The following RNF130 variants were observed in gnomAD, a reference collection of about 807,000 sequenced individuals.
RNF130 encodes ring finger protein 130.
Under a neutral mutation model 44.6 loss-of-function variants are expected in RNF130, and 21 were observed. That is an observed-to-expected ratio of 0.47 (90% CI 0.33 to 0.68). The LOEUF (loss-of-function observed/expected upper bound fraction) is 0.68. Ranked by LOEUF, RNF130 falls within the 30% of genes least tolerant of loss-of-function variation. RNF130 has a pLI of 0.02. For synonymous variants in RNF130, 214 were observed against 210.4 expected (o/e 1.02, Z -0.15); for missense variants, 479 against 560.6 (o/e 0.85, Z 1.47).
intron 5 of RNF130, among the ~76,000 whole-genome samples, chr5:179,974,866 C>T (rs1216903518): frequency 2.0e-5 from 3 of 152,236 alleles, no homozygotes; most frequent in Non-Finnish European, 4.4e-5. Context: ...GCATGGACCG[C>T]AGCAGACGGC....
At chr5:179,972,438 T>C (rs767756996) in intron 5 of RNF130, among the ~76,000 whole-genome samples, 38 of 152,170 alleles carry the variant, frequency 2.5e-4, no homozygotes, top group Non-Finnish European at 4.1e-4. Context: ...CGATGGGACT[T>C]GGCTGACTGA....
At chr5:179,998,731 A>C (rs1333285088) in intron 3 of RNF130, among the ~76,000 whole-genome samples, 14 of 151,698 alleles carry the variant, frequency 9.2e-5, no homozygotes, top group Admixed American at 7.2e-4. Context: ...TTTGGTCTAA[A>C]GTGCAGTTTA....
chr5:180,060,131 C>T (rs1764939246), intron 1 of RNF130, among the ~76,000 whole-genome samples: 1 of 152,176 alleles, frequency 6.6e-6, no homozygotes, highest in African/African-American at 2.4e-5. Flanking sequence ...AAATGATTCC[C>T]CCTGAGAGCT....
chr5:179,918,768 G>A (rs1000556597), exon 8 of RNF130: 2 of 152,164 alleles, frequency 1.3e-5, no homozygotes, highest in Non-Finnish European at 2.9e-5. Context: ...AGCCTCAAAT[G>A]AGCGAAAACG....
intron 2 of RNF130, among the ~76,000 whole-genome samples, chr5:180,028,972 AGTTT>A (rs2113118995): frequency 6.6e-6 from 1 of 152,318 alleles, no homozygotes; most frequent in African/African-American, 2.4e-5. Flanking sequence ...TATACATTAC[AGTTT>A]GTTAGCTCAA....
At chr5:180,066,746 A>AG (rs1456068122) in intron 1 of RNF130, among the ~76,000 whole-genome samples, 18 of 152,276 alleles carry the variant, frequency 1.2e-4, no homozygotes, top group African/African-American at 4.3e-4. Flanking sequence ...CTGAGGCAGG[A>AG]AGGCGGAACC....
At position 180,013,114 on chromosome 5, in the gene RNF130, T is replaced by C. The variant is rs1443408010; in HGVS notation, c.640A>G (p.Ile214Val). Residue 214 changes from isoleucine (I) to valine (V), a missense_variant, in exon 3 of 9, where the codon ATA becomes GTA. By Grantham distance (29) the Ile-to-Val change is conservative (BLOSUM62 3). Around this residue, in one of 3 missense-constraint regions of RNF130, gnomAD observed 180 missense variants for 275.1 expected, o/e 0.65. Coordinates refer to ENST00000521389, the MANE Select transcript of RNF130 (RefSeq NM_018434.6). ...VLMIISSAWL[I>V]FYFIQKIRYT... is the part of the protein sequence containing the mutation. ...CTGATCTTCTGAATGAAGTAGAATA[T>C]GAGCCATGCTGAAGAAATAATCATC... 6.2e-7 allele frequency: 1 copy of C among 1,613,992 alleles called. No individual in the cohort carries two copies. The highest frequency in any genetic ancestry group is 8.5e-7 in the Non-Finnish European group (1 of 1,180,030).
intron 8 of RNF130, among the ~76,000 whole-genome samples, chr5:179,962,062 G>A (rs563999243): frequency 3.5e-4 from 53 of 152,310 alleles, no homozygotes; most frequent in African/African-American, 1.1e-3. Context: ...ACTGAAAAAC[G>A]GAGGAGCTGA....
At chr5:180,041,061 G>A (rs113869116) in intron 1 of RNF130, among the ~76,000 whole-genome samples, 7 of 152,096 alleles carry the variant, frequency 4.6e-5, no homozygotes, top group Non-Finnish European at 8.8e-5. Flanking sequence ...CGCCACCACC[G>A]CTATCCCCAC....
chr5:179,963,349 A>G (rs907731941), intron 8 of RNF130, 122 bp downstream of exon 8: 1 of 700,714 alleles, frequency 1.4e-6, no homozygotes, highest in African/African-American at 1.8e-5. Context: ...GCTAGATACG[A>G]TCCCATCAGG....
At chr5:179,976,715 G>A (rs542577161) in intron 5 of RNF130, 170 of 148,818 alleles carry the variant, frequency 1.1e-3, no homozygotes, top group African/African-American at 4.0e-3. Context: ...TTTAAAAACA[G>A]ATCTTCCTAG....
intron 1 of RNF130, among the ~76,000 whole-genome samples, chr5:180,048,532 G>A (rs868102701): frequency 5.9e-5 from 9 of 152,244 alleles, no homozygotes; most frequent in Non-Finnish European, 7.4e-5. Flanking sequence ...CAGCACTTTG[G>A]GAGGCTGAGG....
chr5:179,999,525 C>A (rs911229550), intron 3 of RNF130, among the ~76,000 whole-genome samples: 1 of 151,924 alleles, frequency 6.6e-6, no homozygotes, highest in African/African-American at 2.4e-5. Context: ...ATTTCGAGAT[C>A]AGCCTGGCCA....
intron 8 of RNF130, among the ~76,000 whole-genome samples, chr5:179,960,422 G>A (rs1273283379): frequency 6.6e-6 from 1 of 152,220 alleles, no homozygotes; most frequent in Non-Finnish European, 1.5e-5. Flanking sequence ...AAACACAAGG[G>A]CTTTTTGATG....
chr5:179,946,528 C>A (rs943683900), intron 7 of RNF130, among the ~76,000 whole-genome samples: 1 of 151,610 alleles, frequency 6.6e-6, no homozygotes, highest in Non-Finnish European at 1.5e-5. Flanking sequence ...CTTAACAGAC[C>A]GACCAGTACA....
chr5:179,959,248 T>C (rs1180463800), intron 8 of RNF130, among the ~76,000 whole-genome samples: 2 of 152,130 alleles, frequency 1.3e-5, no homozygotes, highest in Non-Finnish European at 2.9e-5. Context: ...TCTTACCCGG[T>C]CCCCTCTCTT....
Position 180,071,449 on chromosome 5 carries a change from C to G in RNF130, c.247+7G>C, listed in dbSNP as rs1390434435. The G allele has an allele frequency of 8.1e-7, 1 of 1,238,584 alleles. No individual in the cohort carries two copies. The highest frequency in any genetic ancestry group is 3.6e-5 in the South Asian group (1 of 27,608). 76.7% of individuals were successfully genotyped at this position (1,238,584 alleles called of 1,614,324 possible). ...CCACCGCCCGCCGCCCCCGGGCCGGCACTCACCTCCGTGGAGGGGCAGCGG... is the reference window on the plus strand; with the variant it reads ...CCACCGCCCGCCGCCCCCGGGCCGGGACTCACCTCCGTGGAGGGGCAGCGG... On this transcript the variant is annotated splice_region_variant and intron_variant, in intron 1 of 8. Coordinates refer to ENST00000521389, the MANE Select transcript of RNF130 (RefSeq NM_018434.6).
At chr5:180,004,457 C>A (rs915253406) in intron 3 of RNF130, among the ~76,000 whole-genome samples, 7 of 152,132 alleles carry the variant, frequency 4.6e-5, no homozygotes, top group Non-Finnish European at 7.3e-5. Context: ...TAAAAGTATT[C>A]GGACTAGGAC....
chr5:180,054,876 T>C (rs1178259979), intron 1 of RNF130, among the ~76,000 whole-genome samples: 1 of 152,204 alleles, frequency 6.6e-6, no homozygotes, highest in Non-Finnish European at 1.5e-5. Flanking sequence ...TTTGCAGTTT[T>C]CAGTGCCAAT....
Sources: allele counts gnomAD v4.1 joint callset (sites outside exome capture counted in the v4.1 genomes callset), GRCh38; gene constraint gnomAD v4.1.1; regional missense constraint gnomAD v4.1.1; transcripts MANE v1.5; gene names NCBI Gene and HGNC (gene_info 2026-07-23, HGNC 2026-07-21).